The following RPSA2 variants were observed in gnomAD, a reference collection of about 807,000 sequenced individuals.
The protein encoded by RPSA2 is small ribosomal subunit protein uS2B.
the RPSA2 span, among the ~76,000 whole-genome samples, chr19:23,798,655 T>C: frequency 6.6e-6 from 1 of 151,906 alleles, no homozygotes; most frequent in Non-Finnish European, 1.5e-5. Flanking sequence ...TTATTCCTAC[T>C]TACATATTTA....
chr19:23,864,942 C>T, the RPSA2 span, among the ~76,000 whole-genome samples: 1 of 152,146 alleles, frequency 6.6e-6, no homozygotes, highest in African/African-American at 2.4e-5. Context: ...AAGCTCAGGC[C>T]CTTCTTCACC....
At chr19:23,857,007 C>A in the RPSA2 span, among the ~76,000 whole-genome samples, 2 of 152,158 alleles carry the variant, frequency 1.3e-5, no homozygotes, top group Non-Finnish European at 2.9e-5. Flanking sequence ...GTTTCCCAAT[C>A]CTAGTAAGCC....
chr19:23,859,401 G>C, the RPSA2 span, among the ~76,000 whole-genome samples: 21 of 152,122 alleles, frequency 1.4e-4, no homozygotes, highest in Non-Finnish European at 2.2e-4. Flanking sequence ...GGCTGTGGTG[G>C]GCGAATCACC....
chr19:23,833,576 C>T, the RPSA2 span, among the ~76,000 whole-genome samples: 2 of 152,064 alleles, frequency 1.3e-5, no homozygotes, highest in Non-Finnish European at 2.9e-5. Flanking sequence ...GGCCAAGCTT[C>T]TAACTAATGC....
At chr19:23,791,095 C>CT in the RPSA2 span, among the ~76,000 whole-genome samples, 1 of 152,176 alleles carries the variant, frequency 6.6e-6, no homozygotes, top group Admixed American at 6.5e-5. Context: ...AGAATCCTGA[C>CT]TCAGGGTTAT....
At chr19:23,833,190 A>G in the RPSA2 span, 1 of 1,187,346 alleles carries the variant, frequency 8.4e-7, no homozygotes, top group Non-Finnish European at 1.1e-6. Context: ...CCCTAACTAA[A>G]CATAAGAAAA....
chr19:23,837,237 G>C, the RPSA2 span, among the ~76,000 whole-genome samples: 1 of 152,032 alleles, frequency 6.6e-6, no homozygotes, highest in Non-Finnish European at 1.5e-5. Flanking sequence ...TTGTTGAAAA[G>C]GGTGTCCTTT....
chr19:23,820,668 T>A, the RPSA2 span, among the ~76,000 whole-genome samples: 35 of 133,172 alleles, frequency 2.6e-4, no homozygotes, highest in African/African-American at 9.3e-4. Flanking sequence ...TTTGTATTTA[T>A]TTCTTTGCCC....
At chr19:23,816,385 C>T in the RPSA2 span, among the ~76,000 whole-genome samples, 1 of 152,162 alleles carries the variant, frequency 6.6e-6, no homozygotes, top group Admixed American at 6.5e-5. Flanking sequence ...ATCAGCCCGC[C>T]TTAACCTCCC....
the RPSA2 span, among the ~76,000 whole-genome samples, chr19:23,798,470 T>G: frequency 6.6e-6 from 1 of 152,176 alleles, no homozygotes; most frequent in Non-Finnish European, 1.5e-5. Flanking sequence ...CATATACATT[T>G]AATAGTATTT....
At chr19:23,794,173 C>T in the RPSA2 span, among the ~76,000 whole-genome samples, 10 of 152,224 alleles carry the variant, frequency 6.6e-5, no homozygotes, top group Non-Finnish European at 1.0e-4. Context: ...CTTGTGCATG[C>T]ATCTTTATGA....
At chr19:23,837,269 G>A in the RPSA2 span, among the ~76,000 whole-genome samples, 1 of 151,946 alleles carries the variant, frequency 6.6e-6, no homozygotes, top group Admixed American at 6.6e-5. Flanking sequence ...GTTTTTGTTT[G>A]CTTTGTTGAA....
the RPSA2 span, among the ~76,000 whole-genome samples, chr19:23,837,795 T>C: frequency 1.2e-3 from 179 of 152,336 alleles, no homozygotes; most frequent in African/African-American, 3.8e-3. Flanking sequence ...TTTGTGTACA[T>C]TAATCTTGTA....
the RPSA2 span, among the ~76,000 whole-genome samples, chr19:23,805,345 G>A: frequency 6.6e-6 from 1 of 152,056 alleles, no homozygotes; most frequent in African/African-American, 2.4e-5. Flanking sequence ...TCTATTTTTA[G>A]TAGAGATGGG....
the RPSA2 span, among the ~76,000 whole-genome samples, chr19:23,789,237 T>C: frequency 6.6e-6 from 1 of 151,936 alleles, no homozygotes; most frequent in African/African-American, 2.4e-5. Flanking sequence ...CTGACCTCAG[T>C]TGATCCACTT....
the RPSA2 span, among the ~76,000 whole-genome samples, chr19:23,821,510 C>T: frequency 4.5e-4 from 68 of 152,328 alleles, no homozygotes; most frequent in Non-Finnish European, 9.3e-4. Context: ...CTGCCTCCCC[C>T]ACTTCTAATG....
chr19:23,827,448 C>T, the RPSA2 span: 15 of 1,516,406 alleles, frequency 9.9e-6, no homozygotes, highest in Non-Finnish European at 1.4e-5. Flanking sequence ...GCCACTGGAG[C>T]CACTCCAATT....
chr19:23,820,963 T>C, the RPSA2 span, among the ~76,000 whole-genome samples: 1 of 152,182 alleles, frequency 6.6e-6, no homozygotes, highest in South Asian at 2.1e-4. Context: ...GTAAGATCTC[T>C]CCAGCTTGAG....
the RPSA2 span, among the ~76,000 whole-genome samples, chr19:23,808,261 C>G: frequency 1.5e-5 from 1 of 68,232 alleles, no homozygotes; most frequent in Non-Finnish European, 2.9e-5. Context: ...AATTAAGAAC[C>G]TACAAAATTA....
Sources: allele counts gnomAD v4.1 joint callset (sites outside exome capture counted in the v4.1 genomes callset), GRCh38; gene constraint gnomAD v4.1.1; transcripts MANE v1.5; gene names NCBI Gene and HGNC (gene_info 2026-07-23, HGNC 2026-07-21).